The following RIF1 variants were observed in gnomAD, a reference collection of about 807,000 sequenced individuals.
RIF1 encodes replication timing regulatory factor 1, also known as telomere-associated protein RIF1.
In RIF1, 45 loss-of-function variants were observed where a neutral mutation model predicts 247.1. The ratio of observed to expected loss-of-function variants is 0.18; its 90% confidence interval spans 0.14 to 0.23. RIF1 has a LOEUF of 0.23. RIF1 is among the 10% of genes least tolerant of loss of function. The pLI, the probability that RIF1 is intolerant of heterozygous loss-of-function variation, is 1.00. For missense variants in RIF1, 2,967 were observed against 2,862.5 expected, an observed-to-expected ratio of 1.04 and a Z score of -0.83; for synonymous variants, 1,087 against 978.8, an observed-to-expected ratio of 1.11 and a Z score of -2.06.
the RIF1 span, chr2:151,531,093 A>G: frequency 2.5e-6 from 4 of 1,604,922 alleles, no homozygotes; most frequent in Non-Finnish European, 3.4e-6. Flanking sequence ...ATTCCAATTT[A>G]TAAAGGATCT....
exon 11 of RIF1, chr2:151,499,504 T>TCAA (rs2062828594): frequency 1.5e-6 from 1 of 648,792 alleles, no homozygotes; most frequent in African/African-American, 1.8e-5. Flanking sequence ...AAAGACAGAT[T>TCAA]CAACAAGTCA....
At chr2:151,439,733 C>T (rs1691914273) in intron 14 of RIF1, among the ~76,000 whole-genome samples, 1 of 150,928 alleles carries the variant, frequency 6.6e-6, no homozygotes, top group Non-Finnish European at 1.5e-5. Context: ...TCTGTAATCC[C>T]AACACTTTGG....
At chr2:151,461,343 A>G (rs908280300) in intron 27 of RIF1, 54 bp downstream of exon 27, 34 of 1,536,942 alleles carry the variant, frequency 2.2e-5, no homozygotes, top group Non-Finnish European at 2.8e-5. Flanking sequence ...CTTAGATTTC[A>G]TGCAAGAAAA....
Position 151,476,131 on chromosome 2 carries a change from G to C in RIF1, c.*1060G>C, listed in dbSNP as rs1052403599. ...CTTACTACTTTTGGTTTGGAGGAGG[G>C]TATCACCACTAGAAAGTGTGCCTCC... is the stretch of plus-strand genomic sequence containing the variant. On this transcript the variant is annotated 3_prime_UTR_variant, in exon 36 of 36. Coordinates refer to ENST00000444746, the MANE Select transcript of RIF1 (RefSeq NM_018151.5). 1 of 152,132 alleles carries C rather than the reference G, an allele frequency of 6.6e-6. No individual in the cohort carries two copies. Among genetic ancestry groups the C allele is most frequent in the African/African-American group, 2.4e-5 (1 of 41,426 alleles). The allele number at this position is 152,132 out of a possible 1,614,324, so 9.4% of individuals were successfully genotyped here.
intron 14 of RIF1, among the ~76,000 whole-genome samples, chr2:151,439,044 C>T (rs911774367): frequency 2.0e-5 from 3 of 152,072 alleles, no homozygotes; most frequent in African/African-American, 7.2e-5. Context: ...CTGATGAGCA[C>T]ATATTTATAC....
rs994989556 is a variant in RIF1, at chr2:151,438,775, G to T, written c.1546+29G>T. On this transcript the variant is annotated intron_variant, in intron 14 of 35. Coordinates refer to ENST00000444746, the MANE Select transcript of RIF1 (RefSeq NM_018151.5). ...AGCACTATTACACTGATCAAATGTT[G>T]TTTTTTGAAACAGGTGGTGATCAGA... The T allele has an allele frequency of 3.4e-6, 5 of 1,464,670 alleles. No individual in the cohort carries two copies. In the African/African-American group the frequency reaches 5.6e-5, roughly 16 times the overall value. 90.7% of individuals were successfully genotyped at this position (1,464,670 alleles called of 1,614,324 possible). A position where few individuals can be genotyped will look rare whatever the true frequency, so the allele number is the denominator to read the frequency against.
At chr2:151,501,297 A>AATTG (rs1328647692) in intron 11 of RIF1, 8 of 829,762 alleles carry the variant, frequency 9.6e-6, no homozygotes, top group African/African-American at 3.5e-5. Flanking sequence ...GATTTTGTTA[A>AATTG]ATTGATTATT....
chr2:151,502,967 A>G (rs1023286252), intron 11 of RIF1: 29 of 797,134 alleles, frequency 3.6e-5, no homozygotes, highest in Non-Finnish European at 6.0e-5. Flanking sequence ...GGAAGGGGTT[A>G]TATGTGAGGA....
chr2:151,496,940 C>T lies in RIF1; in HGVS notation c.*513+1614C>T, dbSNP rs775631800. The T allele has an allele frequency of 5.1e-6, 8 of 1,568,904 alleles. No individual in the cohort carries two copies. The South Asian group carries it at 5.8e-5, about 11-fold the overall frequency. On this transcript the variant is annotated intron_variant and NMD_transcript_variant, in intron 10 of 13. Transcript: ENST00000454583. ...GTTTTTTTCTTTTCTTGCCCAAGTA[C>T]CGAGCTAATATTTTCTTGATTGTGT...
chr2:151,433,859 G>A (rs570386496), intron 10 of RIF1, among the ~76,000 whole-genome samples: 14 of 152,146 alleles, frequency 9.2e-5, no homozygotes, highest in African/African-American at 2.6e-4. Flanking sequence ...ATATAATTGA[G>A]AAGAAAACCA....
chr2:151,449,291 T>C (rs1009588659), intron 20 of RIF1, among the ~76,000 whole-genome samples: 1 of 152,216 alleles, frequency 6.6e-6, no homozygotes, highest in Admixed American at 6.5e-5. Flanking sequence ...ATGTATATCT[T>C]CATTAGTGAT....
intron 8 of RIF1, chr2:151,423,629 C>A (rs1040834336): frequency 6.6e-6 from 1 of 152,290 alleles, no homozygotes; most frequent in African/African-American, 2.4e-5. Flanking sequence ...AGTGTTGTGT[C>A]CAGAGAACCT....
the RIF1 span, among the ~76,000 whole-genome samples, chr2:151,528,170 T>A: frequency 6.6e-6 from 1 of 152,208 alleles, no homozygotes; most frequent in Non-Finnish European, 1.5e-5. Context: ...GGGGCTTGCA[T>A]GCTTCCTAGA....
Position 151,411,123 on chromosome 2 carries a change from T to G in RIF1, c.105-137T>G, listed in dbSNP as rs1219308449. The G allele has an allele frequency of 8.0e-6, 5 of 624,668 alleles. No homozygotes were observed. In the Admixed American group the frequency reaches 1.2e-4, roughly 15 times the overall value. The allele number at this position is 624,668 out of a possible 1,614,324, so 38.7% of individuals were successfully genotyped here. A position where few individuals can be genotyped will look rare whatever the true frequency, so the allele number is the denominator to read the frequency against. On this transcript the variant is annotated intron_variant, in intron 2 of 35. Transcript: ENST00000444746. ...ATTGCATTATATATTCTGTATACCCTTAAGGACCTTACCTACTGGGTCAAT... is the reference window on the plus strand; with the variant it reads ...ATTGCATTATATATTCTGTATACCCGTAAGGACCTTACCTACTGGGTCAAT...
intron 4 of RIF1, among the ~76,000 whole-genome samples, chr2:151,416,091 C>G (rs1184335716): frequency 6.6e-6 from 1 of 152,124 alleles, no homozygotes; most frequent in Admixed American, 6.5e-5. Context: ...TAGATGATTT[C>G]CATTGTAAAG....
intron 29 of RIF1, 48 bp from the exon 30 acceptor site, chr2:151,462,836 C>T (rs1696397670): frequency 1.5e-6 from 2 of 1,368,660 alleles, no homozygotes; most frequent in Non-Finnish European, 2.0e-6. Flanking sequence ...AACTCGTTTG[C>T]TGGTTATTAA....
intron 18 of RIF1, among the ~76,000 whole-genome samples, chr2:151,444,947 G>A (rs894846693): frequency 6.6e-6 from 1 of 152,180 alleles, no homozygotes; most frequent in South Asian, 2.1e-4. Context: ...TTCTCCTGGA[G>A]CTCTGAGACA....
In RIF1 at chr2:151,440,073, A is replaced by G. The variant is rs761123460; in HGVS notation, c.1593A>G (p.Leu531=). Residue 531 remains leucine, a synonymous_variant, in exon 15 of 36, where the codon TTA becomes TTG. Coordinates refer to ENST00000444746, the MANE Select transcript of RIF1 (RefSeq NM_018151.5). ...KPGSEVLTLL[L]KSLESIVKSE... is the part of the protein sequence containing the mutation. Reference sequence around the variant, plus strand: ...GTTCTGAAGTTTTGACTCTCTTATTAAAGTCTTTGGAAAGCATAGTAAAGT... The same window carrying G: ...GTTCTGAAGTTTTGACTCTCTTATTGAAGTCTTTGGAAAGCATAGTAAAGT... 1.6e-5 allele frequency: 26 copies of G among 1,601,398 alleles called. No individual in the cohort carries two copies. Among genetic ancestry groups the G allele is most frequent in the Middle Eastern group, 1.7e-4 (1 of 6,004 alleles).
At chr2:151,506,638 C>A (rs577289601) in intron 13 of RIF1, among the ~76,000 whole-genome samples, 3 of 152,272 alleles carry the variant, frequency 2.0e-5, no homozygotes, top group African/African-American at 7.2e-5. Flanking sequence ...AAAAAGAAAT[C>A]CATCTTCTTG....
Sources: gnomAD v4.1 joint callset for allele counts (sites outside exome capture counted in the v4.1 genomes callset) on GRCh38, gnomAD v4.1.1 for gene constraint, MANE v1.5 for transcripts, NCBI Gene and HGNC (gene_info 2026-07-23, HGNC 2026-07-21) for gene names.